Variants in HS3ST4 observed in about 807,000 individuals in gnomAD.
HS3ST4 encodes heparan sulfate glucosamine 3-O-sulfotransferase 4.
Under a neutral mutation model 29.2 loss-of-function variants are expected in HS3ST4, and 17 were observed. That is an observed-to-expected ratio of 0.58 (90% CI 0.40 to 0.87). The LOEUF (loss-of-function observed/expected upper bound fraction) is 0.87. HS3ST4 is among the 40% of genes least tolerant of loss of function. The pLI is 0.00. For missense variants in HS3ST4, 627 were observed against 634.5 expected, an observed-to-expected ratio of 0.99 and a Z score of 0.13; for synonymous variants, 314 against 285.7, an observed-to-expected ratio of 1.10 and a Z score of -1.00.
intron 1 of HS3ST4, among the ~76,000 whole-genome samples, chr16:25,736,983 G>A (rs1432982860): frequency 5.3e-5 from 8 of 152,198 alleles, no homozygotes; most frequent in South Asian, 2.1e-4. Context: ...CGAGTAGCTG[G>A]GAGTACAGGC....
chr16:25,896,500 A>T (rs761604931), intron 1 of HS3ST4, among the ~76,000 whole-genome samples: 1 of 152,216 alleles, frequency 6.6e-6, no homozygotes, highest in Non-Finnish European at 1.5e-5. Flanking sequence ...AAAAAATAAC[A>T]GATGTTGGCA....
chr16:25,939,914 C>T (rs1380776136), intron 1 of HS3ST4, among the ~76,000 whole-genome samples: 3 of 152,152 alleles, frequency 2.0e-5, no homozygotes, highest in Non-Finnish European at 4.4e-5. Flanking sequence ...CAGTTTGATG[C>T]CTAATTTACT....
At chr16:25,881,542 A>G (rs961016905) in intron 1 of HS3ST4, among the ~76,000 whole-genome samples, 3 of 152,204 alleles carry the variant, frequency 2.0e-5, no homozygotes, top group Non-Finnish European at 4.4e-5. Flanking sequence ...TTGAGAGGCA[A>G]ACTCCAGGTG....
At chr16:25,920,726 C>T (rs1055193140) in intron 1 of HS3ST4, among the ~76,000 whole-genome samples, 5 of 151,926 alleles carry the variant, frequency 3.3e-5, no homozygotes, top group Admixed American at 1.3e-4. Flanking sequence ...CCTCAGCCTC[C>T]GAGTAGCTGG....
intron 1 of HS3ST4, among the ~76,000 whole-genome samples, chr16:25,756,271 A>C (rs991291853): frequency 2.1e-4 from 32 of 152,124 alleles, no homozygotes; most frequent in Non-Finnish European, 4.0e-4. Flanking sequence ...GAAGGATTTT[A>C]AGCAGGGGAG....
Position 25,729,288 on chromosome 16 carries a change from T to A in HS3ST4, c.734+36137T>A, listed in dbSNP as rs529823210. On this transcript the variant is annotated intron_variant, in intron 1 of 1. Coordinates refer to ENST00000331351, the MANE Select transcript of HS3ST4 (RefSeq NM_006040.3). Reference sequence around the variant, plus strand: ...TTGGAAGATGACCCTAGACATCTAATGGTGTGAAAATCTTGTGGTTTCCTG... The same window carrying A: ...TTGGAAGATGACCCTAGACATCTAAAGGTGTGAAAATCTTGTGGTTTCCTG... Among the ~76,000 whole-genome samples, 4 of 152,258 alleles carry A rather than the reference T, an allele frequency of 2.6e-5. No homozygotes were observed. In the East Asian group the frequency reaches 7.7e-4, roughly 29 times the overall value.
At chr16:25,955,394 G>T (rs1042462614) in intron 1 of HS3ST4, among the ~76,000 whole-genome samples, 2 of 152,080 alleles carry the variant, frequency 1.3e-5, no homozygotes, top group African/African-American at 4.8e-5. Context: ...TCCACAATTG[G>T]CAAGTACCTT....
intron 1 of HS3ST4, chr16:25,886,895 G>A (rs994180625): frequency 5.3e-5 from 8 of 152,244 alleles, no homozygotes; most frequent in African/African-American, 1.9e-4. Flanking sequence ...GGAGCTGACT[G>A]TTTGTCCTTT....
At chr16:26,014,355 T>C (rs1038741516) in intron 1 of HS3ST4, among the ~76,000 whole-genome samples, 17 of 152,236 alleles carry the variant, frequency 1.1e-4, no homozygotes, top group African/African-American at 4.1e-4. Flanking sequence ...TTTTAACTTT[T>C]ATTTTAGGTT....
At chr16:26,098,626 C>G (rs1169926844) in intron 1 of HS3ST4, among the ~76,000 whole-genome samples, 2 of 151,994 alleles carry the variant, frequency 1.3e-5, no homozygotes, top group East Asian at 3.9e-4. Flanking sequence ...TGAAAAATAC[C>G]TAATGTAAAT....
chr16:25,760,493 A>G (rs1396556871), intron 1 of HS3ST4, among the ~76,000 whole-genome samples: 1 of 148,654 alleles, frequency 6.7e-6, no homozygotes, highest in Non-Finnish European at 1.5e-5. Context: ...ATCTGGGCTC[A>G]CTGCAACCTC....
chr16:25,750,896 C>T (rs926141823), intron 1 of HS3ST4, among the ~76,000 whole-genome samples: 7 of 152,114 alleles, frequency 4.6e-5, no homozygotes, highest in Non-Finnish European at 8.8e-5. Flanking sequence ...CAGTTCCCTC[C>T]GCAGCATTTG....
intron 1 of HS3ST4, among the ~76,000 whole-genome samples, chr16:26,110,976 G>A (rs1205251921): frequency 6.6e-6 from 1 of 152,084 alleles, no homozygotes; most frequent in Non-Finnish European, 1.5e-5. Context: ...CTTTCAGTCT[G>A]CTTAAATGCT....
At position 26,042,400 on chromosome 16, in the gene HS3ST4, T is replaced by C. The variant is rs572597157; in HGVS notation, c.735-93212T>C. On this transcript the variant is annotated intron_variant, in intron 1 of 1. Transcript: ENST00000331351. The stretch of plus-strand genomic sequence containing the variant: ...TGTGTGTGTTTCAGCAGTTGTAAAA[T>C]GGAGCGTCCATTCTCCTGTCATCAG... Among the ~76,000 whole-genome samples the C allele has an allele frequency of 5.3e-5, 8 of 152,046 alleles. 1 individual carries two copies. The East Asian group carries it at 1.4e-3, about 26-fold the overall frequency.
intron 1 of HS3ST4, among the ~76,000 whole-genome samples, chr16:25,971,922 C>G (rs934772459): frequency 2.0e-5 from 3 of 152,042 alleles, no homozygotes; most frequent in African/African-American, 7.2e-5. Context: ...CAGAGTGAGA[C>G]TCCATCTCAA....
At chr16:26,017,849 C>A (rs933437852) in intron 1 of HS3ST4, among the ~76,000 whole-genome samples, 16 of 152,048 alleles carry the variant, frequency 1.1e-4, no homozygotes, top group African/African-American at 3.1e-4. Flanking sequence ...AAAGGCAGAC[C>A]CCACAAATGG....
chr16:25,731,627 C>T (rs1966570569), intron 1 of HS3ST4, among the ~76,000 whole-genome samples: 1 of 152,196 alleles, frequency 6.6e-6, no homozygotes. Flanking sequence ...AGGTGTGAGC[C>T]ACCACACTTG....
At chr16:26,036,178 ATG>A (rs1218504019) in intron 1 of HS3ST4, among the ~76,000 whole-genome samples, 1 of 152,264 alleles carries the variant, frequency 6.6e-6, no homozygotes, top group Non-Finnish European at 1.5e-5. Context: ...GAATCAGGAC[ATG>A]TGTACCAACT....
At chr16:25,912,317 A>G (rs568831939) in intron 1 of HS3ST4, among the ~76,000 whole-genome samples, 5 of 152,316 alleles carry the variant, frequency 3.3e-5, no homozygotes, top group Middle Eastern at 3.4e-3. Flanking sequence ...TGGGTCTTCA[A>G]TGACTGTGTT....
Sources: gnomAD v4.1 joint callset for allele counts (sites outside exome capture counted in the v4.1 genomes callset) on GRCh38, gnomAD v4.1.1 for gene constraint, MANE v1.5 for transcripts, NCBI Gene and HGNC (gene_info 2026-07-23, HGNC 2026-07-21) for gene names.